PCDH15: variants seen among roughly 807,000 people sequenced by gnomAD.
PCDH15 encodes protocadherin related 15, also known as protocadherin-15.
A neutral mutation model predicts 178.5 loss-of-function variants in PCDH15; 129 were observed. The observed-to-expected ratio is 0.72, with a 90% CI of 0.63 to 0.84. The LOEUF is 0.84. PCDH15 is among the 40% of genes least tolerant of loss of function. The pLI is 0.00. For missense variants in PCDH15, 2,230 were observed against 2,099.9 expected (o/e 1.06, Z -1.21); for synonymous variants, 800 against 732.0 (o/e 1.09, Z -1.50).
rs191931385 is a variant in PCDH15, at chr10:54,002,813, A to C, written c.2752-7048T>G. On this transcript the variant is annotated intron_variant, in intron 20 of 37. Transcript: ENST00000644397. ...ACCACTCCAAGGGAGGATTGAAAAA[A>C]GAGCCACTCTCAATGGACAAAAAGA... is the stretch of plus-strand genomic sequence containing the variant. 6.9e-3 allele frequency among the ~76,000 whole-genome samples: 1,049 copies of C among 152,264 alleles called. 10 individuals are homozygous for C. The highest frequency in any genetic ancestry group is 0.021 in the African/African-American group (874 of 41,550).
chr10:54,480,606 G>A (rs1019654649), intron 3 of PCDH15, among the ~76,000 whole-genome samples: 1 of 152,030 alleles, frequency 6.6e-6, no homozygotes, highest in African/African-American at 2.4e-5. Flanking sequence ...AACCTTATCA[G>A]AGTCTAAAAC....
intron 1 of PCDH15, among the ~76,000 whole-genome samples, chr10:54,796,109 T>C (rs943974849): frequency 6.6e-6 from 1 of 151,834 alleles, no homozygotes; most frequent in African/African-American, 2.4e-5. Context: ...CAATTCTCTA[T>C]AGCAACAGTT....
intron 1 of PCDH15, among the ~76,000 whole-genome samples, chr10:55,313,522 T>C (rs938738869): frequency 6.6e-6 from 1 of 152,232 alleles, no homozygotes. Flanking sequence ...TGTAAGCTTC[T>C]GAAGTTTGTA....
chr10:55,596,931 A>G (rs968020403), intron 2 of PCDH15, among the ~76,000 whole-genome samples: 4 of 152,204 alleles, frequency 2.6e-5, no homozygotes, highest in Non-Finnish European at 4.4e-5. Flanking sequence ...ACTTAAAACT[A>G]TAAAGCTTGT....
intron 2 of PCDH15, among the ~76,000 whole-genome samples, chr10:54,652,616 T>G (rs2135223727): frequency 6.6e-6 from 1 of 152,244 alleles, no homozygotes; most frequent in East Asian, 1.9e-4. Context: ...ATGAGGCTCT[T>G]AAGGTGAAAC....
At chr10:54,758,044 A>T (rs574103396) in intron 1 of PCDH15, among the ~76,000 whole-genome samples, 1 of 152,334 alleles carries the variant, frequency 6.6e-6, no homozygotes, top group African/African-American at 2.4e-5. Context: ...GTAGAATATT[A>T]ATAAGAATAT....
chr10:55,367,146 A>G (rs1845382664), intron 2 of PCDH15, among the ~76,000 whole-genome samples: 1 of 151,930 alleles, frequency 6.6e-6, no homozygotes, highest in Non-Finnish European at 1.5e-5. Context: ...CCTCTCCCAT[A>G]TTTTCTCATT....
At chr10:54,636,573 C>G (rs1590730870) in intron 2 of PCDH15, among the ~76,000 whole-genome samples, 1 of 152,010 alleles carries the variant, frequency 6.6e-6, no homozygotes, top group African/African-American at 2.4e-5. Flanking sequence ...TTTCTAGAAG[C>G]CACATATAAT....
chr10:55,345,566 A>C (rs1366476018), intron 2 of PCDH15, among the ~76,000 whole-genome samples: 1 of 152,146 alleles, frequency 6.6e-6, no homozygotes, highest in Non-Finnish European at 1.5e-5. Flanking sequence ...AACATCAGCT[A>C]AAATTTACAG....
At chr10:55,312,628 T>G (rs1843615372) in intron 1 of PCDH15, among the ~76,000 whole-genome samples, 1 of 152,146 alleles carries the variant, frequency 6.6e-6, no homozygotes, top group Admixed American at 6.5e-5. Flanking sequence ...AGAGTTTTTT[T>G]TTTTTTTAGA....
intron 21 of PCDH15, among the ~76,000 whole-genome samples, chr10:53,981,764 G>A (rs374077746): frequency 1.3e-5 from 2 of 151,114 alleles, no homozygotes; most frequent in South Asian, 2.1e-4. Flanking sequence ...CATGGGCAAG[G>A]ACTTCATGTC....
intron 2 of PCDH15, among the ~76,000 whole-genome samples, chr10:55,087,550 G>C (rs1391658249): frequency 6.6e-6 from 1 of 152,090 alleles, no homozygotes; most frequent in Non-Finnish European, 1.5e-5. Context: ...ATTTGTTTCA[G>C]TAAAACAATG....
intron 3 of PCDH15, among the ~76,000 whole-genome samples, chr10:54,465,815 C>T (rs2077479775): frequency 6.6e-6 from 1 of 151,950 alleles, no homozygotes; most frequent in South Asian, 2.1e-4. Context: ...GAGAAATCCT[C>T]ATACTGTTTT....
At chr10:54,932,172 C>T (rs1837795030) in intron 2 of PCDH15, among the ~76,000 whole-genome samples, 1 of 152,186 alleles carries the variant, frequency 6.6e-6, no homozygotes, top group African/African-American at 2.4e-5. Flanking sequence ...CACGCAGGTC[C>T]TTCAGGAAGT....
At chr10:54,918,558 C>T (rs139521553) in intron 2 of PCDH15, among the ~76,000 whole-genome samples, 1 of 152,230 alleles carries the variant, frequency 6.6e-6, no homozygotes, top group East Asian at 1.9e-4. Flanking sequence ...TGTGGCAGCA[C>T]TAACATGAAA....
intron 6 of PCDH15, among the ~76,000 whole-genome samples, chr10:54,342,373 G>T (rs1172408045): frequency 6.6e-6 from 1 of 152,218 alleles, no homozygotes; most frequent in Non-Finnish European, 1.5e-5. Context: ...TGCTTCAGAG[G>T]TGCAAGCCCC....
At chr10:54,413,256 T>C (rs1463601061) in intron 3 of PCDH15, among the ~76,000 whole-genome samples, 1 of 152,192 alleles carries the variant, frequency 6.6e-6, no homozygotes, top group African/African-American at 2.4e-5. Flanking sequence ...TAATACATGG[T>C]TGGCTATCTA....
chr10:55,025,986 T>A (rs1840466470), intron 2 of PCDH15, among the ~76,000 whole-genome samples: 1 of 151,952 alleles, frequency 6.6e-6, no homozygotes, highest in Non-Finnish European at 1.5e-5. Flanking sequence ...ATGAAAAAAA[T>A]ACCTGGAGTA....
chr10:55,353,557 G>A (rs1039797725), intron 2 of PCDH15, among the ~76,000 whole-genome samples: 1 of 152,066 alleles, frequency 6.6e-6, no homozygotes, highest in Non-Finnish European at 1.5e-5. Flanking sequence ...GAAAGAGCAG[G>A]CAAGTGTATA....
Sources: allele counts gnomAD v4.1 joint callset (sites outside exome capture counted in the v4.1 genomes callset), GRCh38; gene constraint gnomAD v4.1.1; transcripts MANE v1.5; gene names NCBI Gene and HGNC (gene_info 2026-07-23, HGNC 2026-07-21).